Variants in FAM117B observed in about 807,000 individuals in gnomAD.
FAM117B encodes the protein protein FAM117B.
In FAM117B, 22 loss-of-function variants were observed where a neutral mutation model predicts 52.8. That is an observed-to-expected ratio of 0.42 (90% CI 0.30 to 0.59). The LOEUF is 0.59. FAM117B is among the 20% of genes least tolerant of loss of function. FAM117B has a pLI of 0.22. For missense variants in FAM117B, 678 were observed against 802.6 expected (o/e 0.84, Z 1.88); for synonymous variants, 309 against 324.1 (o/e 0.95, Z 0.50).
rs1399609298 is a variant in FAM117B, at chr2:202,635,706, C to T, written c.519C>T (p.Arg173=). ...TGAGCGCGGCCCCACCCCCAGCCCG[C>T]GTCCGGCATCGGAGGAGGTCTCCGG... The part of the protein sequence containing the change: ...GEVSAAPPPA[R]VRHRRRSPEQ... Residue 173 remains arginine (R), a synonymous_variant, in exon 1 of 8, where the codon CGC becomes CGT. Transcript: ENST00000392238. The T allele has an allele frequency of 7.0e-7, 1 of 1,433,040 alleles. No individual in the cohort carries two copies. The highest frequency in any genetic ancestry group is 9.1e-7 in the Non-Finnish European group (1 of 1,094,858). The allele number at this position is 1,433,040 out of a possible 1,614,324, so 88.8% of individuals were successfully genotyped here.
intron 1 of FAM117B, among the ~76,000 whole-genome samples, chr2:202,691,555 G>A (rs923204471): frequency 1.3e-5 from 2 of 151,646 alleles, no homozygotes; most frequent in Admixed American, 6.6e-5. Context: ...TTAATGTACC[G>A]GTAGGCAACT....
At chr2:202,765,273 C>G (rs989541893) in intron 7 of FAM117B, among the ~76,000 whole-genome samples, 173 bp from the exon 8 acceptor site, 3 of 151,728 alleles carry the variant, frequency 2.0e-5, no homozygotes, top group Admixed American at 6.6e-5. Context: ...TCAGATAGCA[C>G]TTTGGTCCTT....
At chr2:202,684,612 T>G (rs549330083) in intron 1 of FAM117B, among the ~76,000 whole-genome samples, 1 of 152,332 alleles carries the variant, frequency 6.6e-6, no homozygotes, top group East Asian at 1.9e-4. Flanking sequence ...TTTAATGTTT[T>G]TAAGTGCAAG....
rs1691941837 is a variant in FAM117B, at chr2:202,764,265, GA to G, written c.1452-1180del. Among the ~76,000 whole-genome samples, 3 of 151,962 alleles carry G rather than the reference GA, an allele frequency of 2.0e-5. No homozygotes were observed. In the South Asian group the frequency reaches 6.2e-4, roughly 32 times the overall value. The stretch of plus-strand genomic sequence containing the variant: ...CTTGCATTTTTATTGAACTGATTTA[GA>G]TTTTTTGTGTGTGTGTGAGACAGGG... On this transcript the variant is annotated intron_variant, in intron 7 of 7. Transcript: ENST00000392238.
intron 4 of FAM117B, among the ~76,000 whole-genome samples, chr2:202,751,232 A>G (rs1691716506): frequency 6.6e-6 from 1 of 152,224 alleles, no homozygotes; most frequent in South Asian, 2.1e-4. Context: ...AGCTCAGCTG[A>G]CTACTGCAGG....
intron 1 of FAM117B, among the ~76,000 whole-genome samples, chr2:202,651,358 G>A (rs1220980582): frequency 6.6e-6 from 1 of 151,140 alleles, no homozygotes; most frequent in Non-Finnish European, 1.5e-5. Flanking sequence ...ACCGCTCCGG[G>A]CCCTTAATTT....
intron 2 of FAM117B, 62 bp downstream of exon 2, chr2:202,696,094 A>G: frequency 6.5e-7 from 1 of 1,543,808 alleles, no homozygotes; most frequent in Non-Finnish European, 8.8e-7. Context: ...TTCTAATATT[A>G]TTTGTTCTGC....
At chr2:202,668,066 TG>T (rs1350425880) in intron 1 of FAM117B, among the ~76,000 whole-genome samples, 1 of 145,438 alleles carries the variant, frequency 6.9e-6, no homozygotes, top group Non-Finnish European at 1.5e-5. Context: ...ATATATATAT[TG>T]TAAATATATA....
At chr2:202,737,912 T>C (rs1691467551) in intron 4 of FAM117B, among the ~76,000 whole-genome samples, 1 of 152,148 alleles carries the variant, frequency 6.6e-6, no homozygotes, top group Admixed American at 6.5e-5. Context: ...AGTTTATTCC[T>C]TTTAGTTGCT....
intron 2 of FAM117B, among the ~76,000 whole-genome samples, chr2:202,715,522 TG>T (rs1373127521): frequency 7.5e-6 from 1 of 132,910 alleles, no homozygotes; most frequent in African/African-American, 3.0e-5. Context: ...TCTCAGACGA[TG>T]GGCGGCCGGG....
chr2:202,651,125 C>G lies in FAM117B; in HGVS notation c.601+15337C>G, dbSNP rs1689949562. ...TCGCCCAGGCTGGAGTGCAGTGGTG[C>G]CATCTCAGCTCACTGTAACCTCTGC... On this transcript the variant is annotated intron_variant, in intron 1 of 7. Transcript: ENST00000392238. 4.0e-5 allele frequency among the ~76,000 whole-genome samples: 6 copies of G among 149,884 alleles called. No homozygotes were observed. In the Admixed American group the frequency reaches 4.0e-4, roughly 10 times the overall value.
At chr2:202,758,957 G>A (rs1225813405) in intron 6 of FAM117B, among the ~76,000 whole-genome samples, 2 of 152,182 alleles carry the variant, frequency 1.3e-5, no homozygotes, top group African/African-American at 4.8e-5. Flanking sequence ...GTGTTTGAGT[G>A]CATTTGTTTT....
intron 1 of FAM117B, among the ~76,000 whole-genome samples, chr2:202,653,443 A>G (rs1009002415): frequency 3.3e-5 from 5 of 152,174 alleles, no homozygotes; most frequent in East Asian, 1.9e-4. Flanking sequence ...GCCTCAAGCA[A>G]TCCTCCTGCC....
At chr2:202,647,213 A>T (rs1689882176) in intron 1 of FAM117B, among the ~76,000 whole-genome samples, 1 of 152,100 alleles carries the variant, frequency 6.6e-6, no homozygotes, top group African/African-American at 2.4e-5. Context: ...AGCTACTAAA[A>T]CCATAAAGCA....
At chr2:202,664,131 A>C (rs1032329735) in intron 1 of FAM117B, among the ~76,000 whole-genome samples, 1 of 152,228 alleles carries the variant, frequency 6.6e-6, no homozygotes, top group African/African-American at 2.4e-5. Flanking sequence ...GTGCATTTTC[A>C]CAAATAATAA....
intron 1 of FAM117B, among the ~76,000 whole-genome samples, chr2:202,676,929 G>C (rs1027127267): frequency 6.6e-6 from 1 of 152,106 alleles, no homozygotes; most frequent in African/African-American, 2.4e-5. Context: ...GAAGCATATT[G>C]TTGAAAAACG....
intron 1 of FAM117B, among the ~76,000 whole-genome samples, chr2:202,656,375 T>G (rs1185666532): frequency 6.6e-6 from 1 of 152,202 alleles, no homozygotes; most frequent in Non-Finnish European, 1.5e-5. Context: ...AGCAGTTGTT[T>G]AGCTGCATGT....
chr2:202,740,471 T>C (rs1691515827), intron 4 of FAM117B, among the ~76,000 whole-genome samples: 1 of 151,908 alleles, frequency 6.6e-6, no homozygotes, highest in Non-Finnish European at 1.5e-5. Flanking sequence ...TAGAATATAG[T>C]GGTTGCTTTG....
chr2:202,754,007 C>G (rs887741292), intron 4 of FAM117B, among the ~76,000 whole-genome samples: 3 of 152,190 alleles, frequency 2.0e-5, no homozygotes, highest in Non-Finnish European at 4.4e-5. Flanking sequence ...ACCATTTGAC[C>G]CAGCAATCCC....
Sources: gnomAD v4.1 joint callset for allele counts (sites outside exome capture counted in the v4.1 genomes callset) on GRCh38, gnomAD v4.1.1 for gene constraint, MANE v1.5 for transcripts, NCBI Gene and HGNC (gene_info 2026-07-23, HGNC 2026-07-21) for gene names.